Variants in RIMS2 observed in about 807,000 individuals in gnomAD.
RIMS2 encodes the protein regulating synaptic membrane exocytosis protein 2.
Under a neutral mutation model 174.4 loss-of-function variants are expected in RIMS2, and 59 were observed. The observed-to-expected ratio is 0.34, with a 90% CI of 0.27 to 0.42. The LOEUF (loss-of-function observed/expected upper bound fraction) is 0.42, where lower values mean the gene tolerates loss of function less well. Among genes scored for constraint, RIMS2 ranks in the 10% least tolerant of loss-of-function variants. The pLI is 1.00. For missense variants in RIMS2, 1,620 were observed against 1,666.3 expected (o/e 0.97, Z 0.48); for synonymous variants, 606 against 572.5 (o/e 1.06, Z -0.84).
intron 19 of RIMS2, among the ~76,000 whole-genome samples, chr8:104,103,193 A>AT (rs2097942695): frequency 6.6e-6 from 1 of 152,058 alleles, no homozygotes; most frequent in Non-Finnish European, 1.5e-5. Context: ...AAATCCTTAA[A>AT]AAAAAAGTAG....
intron 1 of RIMS2, among the ~76,000 whole-genome samples, chr8:103,581,493 A>G (rs1263203015): frequency 1.3e-5 from 2 of 152,094 alleles, no homozygotes. Flanking sequence ...TAAAGGCCAT[A>G]TGTGAAAATC....
chr8:103,544,648 C>G (rs1173358969), intron 1 of RIMS2, among the ~76,000 whole-genome samples: 1 of 152,234 alleles, frequency 6.6e-6, no homozygotes, highest in Non-Finnish European at 1.5e-5. Context: ...GTGGGAAGCA[C>G]TCAGACAGCA....
chr8:103,637,483 G>A (rs1315907201), intron 1 of RIMS2, among the ~76,000 whole-genome samples: 2 of 152,142 alleles, frequency 1.3e-5, no homozygotes, highest in African/African-American at 4.8e-5. Flanking sequence ...AAGTACTTGT[G>A]AAAGATAAGT....
At chr8:103,680,709 A>C (rs538646688) in intron 1 of RIMS2, among the ~76,000 whole-genome samples, 2 of 152,164 alleles carry the variant, frequency 1.3e-5, no homozygotes, top group South Asian at 4.1e-4. Context: ...ATGAATAGGC[A>C]GTTCATCGGA....
intron 2 of RIMS2, among the ~76,000 whole-genome samples, chr8:103,704,542 T>A (rs541387448): frequency 6.6e-6 from 1 of 152,172 alleles, no homozygotes; most frequent in East Asian, 1.9e-4. Context: ...TGAGTAGGAT[T>A]GGTATTAATT....
At chr8:103,715,322 C>A (rs1393505939) in intron 2 of RIMS2, among the ~76,000 whole-genome samples, 8 of 152,104 alleles carry the variant, frequency 5.3e-5, no homozygotes, top group Non-Finnish European at 1.0e-4. Context: ...CGTCCCCAAC[C>A]CCTACTGCCT....
intron 1 of RIMS2, among the ~76,000 whole-genome samples, chr8:103,630,384 A>G (rs1489937695): frequency 1.3e-5 from 2 of 152,094 alleles, no homozygotes; most frequent in Non-Finnish European, 2.9e-5. Context: ...GTGAAATGCA[A>G]AGCATTCTCA....
At chr8:103,619,054 G>A (rs2134531667) in intron 1 of RIMS2, among the ~76,000 whole-genome samples, 1 of 148,400 alleles carries the variant, frequency 6.7e-6, no homozygotes, top group East Asian at 2.0e-4. Context: ...TCCTGGATAT[G>A]CTCCCCTATT....
intron 19 of RIMS2, among the ~76,000 whole-genome samples, chr8:104,059,495 T>C (rs1268343260): frequency 6.7e-6 from 1 of 150,328 alleles, no homozygotes; most frequent in Non-Finnish European, 1.5e-5. Flanking sequence ...TTTCTAGATA[T>C]ACAATCATGT....
At chr8:103,581,433 G>T (rs2093613403) in intron 1 of RIMS2, among the ~76,000 whole-genome samples, 1 of 152,110 alleles carries the variant, frequency 6.6e-6, no homozygotes, top group Non-Finnish European at 1.5e-5. Context: ...ATCCTTTTAT[G>T]CCAAAGACCC....
chr8:103,849,613 C>T (rs1411482988), intron 3 of RIMS2, among the ~76,000 whole-genome samples: 1 of 151,960 alleles, frequency 6.6e-6, no homozygotes, highest in Non-Finnish European at 1.5e-5. Flanking sequence ...TAGCTCTGAA[C>T]CATACCTGGG....
intron 19 of RIMS2, among the ~76,000 whole-genome samples, chr8:104,052,994 T>A (rs1317083023): frequency 6.6e-6 from 1 of 152,150 alleles, no homozygotes; most frequent in Non-Finnish European, 1.5e-5. Context: ...GAATAAAATG[T>A]CAAGGACAGT....
At chr8:104,000,675 G>A (rs1288339269) in intron 17 of RIMS2, among the ~76,000 whole-genome samples, 2 of 151,654 alleles carry the variant, frequency 1.3e-5, no homozygotes, top group Admixed American at 1.3e-4. Context: ...ATTTCCACCA[G>A]CAGTGTACAA....
intron 15 of RIMS2, among the ~76,000 whole-genome samples, chr8:103,973,099 A>G (rs1050258470): frequency 6.6e-6 from 1 of 152,176 alleles, no homozygotes; most frequent in Non-Finnish European, 1.5e-5. Context: ...CAATCTCTCT[A>G]TCCTTCAATA....
chr8:103,516,669 ATACT>A (rs1829138731), intron 1 of RIMS2, among the ~76,000 whole-genome samples: 1 of 152,206 alleles, frequency 6.6e-6, no homozygotes, highest in African/African-American at 2.4e-5. Context: ...GTATTCCTAC[ATACT>A]TTATGTGCTG....
chr8:104,232,694 A>G (rs2099237255), intron 19 of RIMS2, among the ~76,000 whole-genome samples: 2 of 152,194 alleles, frequency 1.3e-5, no homozygotes, highest in African/African-American at 4.8e-5. Context: ...GGGAAAGTAT[A>G]TTCTGGCCAC....
exon 19 of RIMS2, chr8:104,014,596 A>G (rs778395269): frequency 3.1e-6 from 5 of 1,610,150 alleles, no homozygotes; most frequent in African/African-American, 2.7e-5. Flanking sequence ...AGCTTCCACC[A>G]AAGGGAACGT....
At chr8:104,210,648 A>C (rs950001700) in intron 19 of RIMS2, among the ~76,000 whole-genome samples, 1 of 152,182 alleles carries the variant, frequency 6.6e-6, no homozygotes, top group Non-Finnish European at 1.5e-5. Context: ...TTCAGAAGGC[A>C]CATCCGTGTT....
intron 1 of RIMS2, among the ~76,000 whole-genome samples, chr8:103,632,838 AT>A (rs1413262742): frequency 2.3e-5 from 3 of 132,824 alleles, no homozygotes; most frequent in Non-Finnish European, 4.6e-5. Context: ...GGTTCACGCC[AT>A]TCTCCTGCCT....
Sources: gnomAD v4.1 joint callset for allele counts (sites outside exome capture counted in the v4.1 genomes callset) on GRCh38, gnomAD v4.1.1 for gene constraint, MANE v1.5 for transcripts, NCBI Gene and HGNC (gene_info 2026-07-23, HGNC 2026-07-21) for gene names.